Variants in RELT observed in about 807,000 individuals in gnomAD.
RELT encodes the protein RELT TNF receptor.
In RELT, 37 loss-of-function variants were observed where a neutral mutation model predicts 51.1. The observed-to-expected ratio is 0.72, with a 90% confidence interval of 0.56 to 0.95. RELT has a LOEUF of 0.95. Among genes scored for constraint, RELT ranks in the 40% least tolerant of loss-of-function variants. The pLI, the probability that RELT is intolerant of heterozygous loss-of-function variation, is 0.00. For synonymous variants in RELT, 241 were observed against 235.7 expected (o/e 1.02, Z -0.21); for missense variants, 535 against 572.6 (o/e 0.93, Z 0.67).
Position 73,395,249 on chromosome 11 carries a change from A to G in RELT, c.1209A>G (p.Thr403=). 1.9e-6 allele frequency: 3 copies of G among 1,612,906 alleles called. No homozygotes were observed. Among genetic ancestry groups the G allele is most frequent in the Non-Finnish European group, 2.5e-6 (3 of 1,179,918 alleles). The change falls in exon 10 of 11, where the codon ACA becomes ACG. Residue 403 remains threonine, a synonymous_variant. Transcript: ENST00000064780. ...TGCTAGGAAGTGGCGGAAGCCGTAC[A>G]AAGTGGCTGAAGCCCCCAGCAGAGA... ...QALLGSGGSR[T]KWLKPPAENK...
intron 1 of RELT, among the ~76,000 whole-genome samples, chr11:73,384,997 G>A (rs988943860): frequency 2.6e-5 from 4 of 152,050 alleles, no homozygotes; most frequent in African/African-American, 4.8e-5. Context: ...AGCACTCAGC[G>A]TGGCAGGCGT....
Position 73,394,175 on chromosome 11 carries a change from C to A in RELT, c.707-61C>A. On this transcript the variant is annotated intron_variant, in intron 7 of 10. Transcript: ENST00000064780. The surrounding 1 kb of genome is among the most constrained non-coding windows in gnomAD (Gnocchi z 4.9). The stretch of plus-strand genomic sequence containing the variant: ...GTAGGTGGGGGGTTCTCTGCTGGGG[C>A]AGGGGGTGGGAGGTGTGTCCCATAT... 1 of 1,452,796 alleles carries A rather than the reference C, an allele frequency of 6.9e-7. No homozygotes were observed. The highest frequency in any genetic ancestry group is 9.4e-7 in the Non-Finnish European group (1 of 1,059,086). 90.0% of individuals were successfully genotyped at this position (1,452,796 alleles called of 1,614,324 possible).
chr11:73,389,241 CA>C lies in RELT; in HGVS notation c.45+61del, dbSNP rs1208421171. The C allele has an allele frequency of 1.4e-5, 17 of 1,237,052 alleles. No homozygotes were observed. In the Admixed American group the frequency reaches 1.7e-4, roughly 13 times the overall value. The allele number at this position is 1,237,052 out of a possible 1,614,324, so 76.6% of individuals were successfully genotyped here. A position where few individuals can be genotyped will look rare whatever the true frequency, so the allele number is the denominator to read the frequency against. ...CCGCACCCTCAGCCCTGCAGCCCTC[CA>C]GCAAGAGGGTGCAGACACTCCCGGG... On this transcript the variant is annotated intron_variant, in intron 2 of 10. Coordinates refer to ENST00000064780, the MANE Select transcript of RELT (RefSeq NM_152222.2).
chr11:73,395,618 A>C lies in RELT; in HGVS notation c.*127A>C. ...AATGGCCCAGCAGACGAGACAGCAA[A>C]GACCAAGGCCTGGAGGTGGGAGCGT... On this transcript the variant is annotated 3_prime_UTR_variant, in exon 11 of 11. Transcript: ENST00000064780. The C allele has an allele frequency of 1.4e-6, 1 of 735,664 alleles. No homozygotes were observed. Among genetic ancestry groups the C allele is most frequent in the Non-Finnish European group, 2.5e-6 (1 of 396,440 alleles). The allele number at this position is 735,664 out of a possible 1,614,324, so 45.6% of individuals were successfully genotyped here. A position where few individuals can be genotyped will look rare whatever the true frequency, so the allele number is the denominator to read the frequency against.
chr11:73,392,505 G>A lies in RELT; in HGVS notation c.625+37G>A, dbSNP rs200487759. The A allele has an allele frequency of 7.3e-5, 117 of 1,594,366 alleles. 1 individual carries two copies. In the African/African-American group the frequency reaches 1.4e-3, roughly 19 times the overall value. ...CTGGGGTCCAGGTGGGAAGGACGGG[G>A]GCACGAGCCCAGCCCCAGCTCCACT... On this transcript the variant is annotated intron_variant, in intron 6 of 10. Coordinates refer to ENST00000064780, the MANE Select transcript of RELT (RefSeq NM_152222.2).
intron 1 of RELT, among the ~76,000 whole-genome samples, chr11:73,383,133 G>T (rs1447602241): frequency 6.6e-6 from 1 of 152,184 alleles, no homozygotes; most frequent in Admixed American, 6.5e-5. Flanking sequence ...GTGCTCCCCA[G>T]CCCTTGAGGG....
At position 73,394,927 on chromosome 11, in the gene RELT, C is replaced by A; in HGVS notation, c.1047-160C>A. ...CGGTTATGTTGTGTCTCACATGGAG[C>A]CCTTGCATCCCTAGGGCAGCATCTT... On this transcript the variant is annotated intron_variant, in intron 9 of 10. Transcript: ENST00000064780. This position sits in a 1 kb window ranked among gnomAD's most constrained non-coding sequence, Gnocchi z 4.9. The A allele has an allele frequency of 2.3e-6, 2 of 872,674 alleles. No homozygotes were observed. Among genetic ancestry groups the A allele is most frequent in the Non-Finnish European group, 3.5e-6 (2 of 571,874 alleles). 54.1% of individuals were successfully genotyped at this position (872,674 alleles called of 1,614,324 possible).
rs1282673158 is a variant in RELT, at chr11:73,392,471, G to A, written c.625+3G>A. ...CGGCCCTGGAGGTGGAGGCAGTGGT[G>A]AGGCCCAGCTGGGGTCCAGGTGGGA... is the stretch of plus-strand genomic sequence containing the variant. On this transcript the variant is annotated splice_donor_region_variant and intron_variant, in intron 6 of 10. Transcript: ENST00000064780. The A allele has an allele frequency of 6.2e-7, 1 of 1,610,582 alleles. No individual in the cohort carries two copies. The highest frequency in any genetic ancestry group is 8.5e-7 in the Non-Finnish European group (1 of 1,179,546).
Position 73,395,226 on chromosome 11 carries a change from C to A in RELT, c.1186C>A (p.Leu396Ile), listed in dbSNP as rs1253305677. 6.2e-7 allele frequency: 1 copy of A among 1,613,182 alleles called. No individual in the cohort carries two copies. The highest frequency in any genetic ancestry group is 1.7e-5 in the Admixed American group (1 of 60,028). Reference sequence around the variant, plus strand: ...CCTCCCCCCTGAGCAGCAGGCCCTGCTAGGAAGTGGCGGAAGCCGTACAAA... The same window carrying A: ...CCTCCCCCCTGAGCAGCAGGCCCTGATAGGAAGTGGCGGAAGCCGTACAAA... ...PGLPPEQQAL[L>I]GSGGSRTKWL... Residue 396 changes from leucine to isoleucine, a missense_variant, in exon 10 of 11, where the codon CTA (leucine) becomes ATA (isoleucine). Transcript: ENST00000064780.
At chr11:73,379,114 G>A (rs1443173751) in intron 1 of RELT, among the ~76,000 whole-genome samples, 1 of 152,156 alleles carries the variant, frequency 6.6e-6, no homozygotes, top group African/African-American at 2.4e-5. Flanking sequence ...TGGGGATCAG[G>A]GTGTCCCTCG....
chr11:73,390,501 A>G, intron 2 of RELT, 50 bp from the exon 3 acceptor site: 1 of 1,537,668 alleles, frequency 6.5e-7, no homozygotes, highest in African/African-American at 1.4e-5. Flanking sequence ...GACCCCAGAG[A>G]CCCCACACCC....
At chr11:73,385,040 G>A (rs565840782) in intron 1 of RELT, among the ~76,000 whole-genome samples, 4 of 152,114 alleles carry the variant, frequency 2.6e-5, no homozygotes, top group South Asian at 2.1e-4. Flanking sequence ...GGCGCGTCAC[G>A]ACGCCATCCT....
intron 1 of RELT, among the ~76,000 whole-genome samples, chr11:73,386,611 G>T (rs950087652): frequency 1.3e-5 from 2 of 152,230 alleles, no homozygotes; most frequent in African/African-American, 4.8e-5. Context: ...TAATTAGAAG[G>T]TGCAAGGCCC....
intron 4 of RELT, 43 bp from the exon 5 acceptor site, chr11:73,391,101 T>TG: frequency 1.3e-6 from 2 of 1,594,308 alleles, no homozygotes; most frequent in South Asian, 2.2e-5. Flanking sequence ...GGATAGTGTT[T>TG]GGGGAAACTT....
chr11:73,396,873 A>G lies in RELT; in HGVS notation c.*1382A>G, dbSNP rs921919465. The stretch of plus-strand genomic sequence containing the variant: ...GTCCCACAGAAATAGTGTGAGCCAC[A>G]TATGTGACTTTAAATTTTCTGACAG... On this transcript the variant is annotated 3_prime_UTR_variant, in exon 11 of 11. Coordinates refer to ENST00000064780, the MANE Select transcript of RELT (RefSeq NM_152222.2). 11 of 152,268 alleles carry G rather than the reference A, an allele frequency of 7.2e-5. No homozygotes were observed. Among genetic ancestry groups the G allele is most frequent in the African/African-American group, 2.7e-4 (11 of 41,466 alleles). The allele number at this position is 152,268 out of a possible 1,614,324, so 9.4% of individuals were successfully genotyped here. A position where few individuals can be genotyped will look rare whatever the true frequency, so the allele number is the denominator to read the frequency against.
At chr11:73,392,530 T>C (rs368595128) in intron 6 of RELT, 62 bp downstream of exon 6, 5 of 1,560,706 alleles carry the variant, frequency 3.2e-6, no homozygotes, top group South Asian at 1.1e-5. Flanking sequence ...CCAGCTCCAC[T>C]TGGGGGCTGC....
intron 1 of RELT, among the ~76,000 whole-genome samples, chr11:73,378,783 C>G (rs373724217): frequency 6.6e-6 from 1 of 152,258 alleles, no homozygotes; most frequent in African/African-American, 2.4e-5. Context: ...CCAGAAAGTC[C>G]TGTCCCCTGC....
intron 6 of RELT, chr11:73,392,764 G>C (rs1866240114): frequency 7.5e-7 from 1 of 1,341,554 alleles, no homozygotes; most frequent in Non-Finnish European, 9.6e-7. Context: ...TTGTGTGTAT[G>C]GTTCCAGGGT....
chr11:73,379,596 C>T (rs547089567), intron 1 of RELT, among the ~76,000 whole-genome samples: 4 of 152,336 alleles, frequency 2.6e-5, no homozygotes, highest in African/African-American at 7.2e-5. Context: ...ACCTTCCAGA[C>T]GCGGTACCTG....
Sources: gnomAD v4.1 joint callset for allele counts (sites outside exome capture counted in the v4.1 genomes callset) on GRCh38, gnomAD v4.1.1 for gene constraint, Gnocchi (gnomAD v3.1) non-coding constraint, MANE v1.5 for transcripts, NCBI Gene and HGNC (gene_info 2026-07-23, HGNC 2026-07-21) for gene names.